The following KCNH5 variants were observed in gnomAD, a reference collection of about 807,000 sequenced individuals.
KCNH5 encodes voltage-gated delayed rectifier potassium channel KCNH5.
Under a neutral mutation model 96.1 loss-of-function variants are expected in KCNH5, and 46 were observed. The observed-to-expected ratio is 0.48, with a 90% CI of 0.38 to 0.61. KCNH5 has a LOEUF of 0.61. Ranked by LOEUF, KCNH5 falls within the 20% of genes least tolerant of loss-of-function variation. The pLI is 0.00. For synonymous variants in KCNH5, 439 were observed against 449.8 expected (o/e 0.98, Z 0.30); for missense variants, 907 against 1,225.8 (o/e 0.74, Z 3.88).
Position 62,706,138 on chromosome 14 carries a change from T to C in KCNH5, c.*1370A>G, listed in dbSNP as rs1326931447. On this transcript the variant is annotated 3_prime_UTR_variant, in exon 11 of 11. Transcript: ENST00000322893. ...TACAGGACAACTCTTTGTGACTTTT[T>C]TTAAAAACTTGATAATAGGCACTTT... The C allele has an allele frequency of 6.6e-6, 1 of 152,130 alleles. No homozygotes were observed. Among genetic ancestry groups the C allele is most frequent in the Non-Finnish European group, 1.5e-5 (1 of 67,956 alleles). The allele number at this position is 152,130 out of a possible 1,614,324, so 9.4% of individuals were successfully genotyped here. A position where few individuals can be genotyped will look rare whatever the true frequency, so the allele number is the denominator to read the frequency against.
rs921660266 is a variant in KCNH5 at position 62,707,217 on chromosome 14, T to C, written c.*291A>G. The C allele has an allele frequency of 8.3e-5, 14 of 169,300 alleles. No homozygotes were observed. Among genetic ancestry groups the C allele is most frequent in the Non-Finnish European group, 1.8e-4 (14 of 79,890 alleles). The allele number at this position is 169,300 out of a possible 1,614,324, so 10.5% of individuals were successfully genotyped here. ...AGGTTGGACCCTGATTCTTCAAATATTACATTGCCTTGGGTAACAAAAATC... is the reference window on the plus strand; with the variant it reads ...AGGTTGGACCCTGATTCTTCAAATACTACATTGCCTTGGGTAACAAAAATC... On this transcript the variant is annotated 3_prime_UTR_variant, in exon 11 of 11. Coordinates refer to ENST00000322893, the MANE Select transcript of KCNH5 (RefSeq NM_139318.5).
chr14:63,034,140 G>C (rs535088156), intron 1 of KCNH5, among the ~76,000 whole-genome samples: 2 of 151,926 alleles, frequency 1.3e-5, no homozygotes, highest in Admixed American at 6.6e-5. Context: ...GGCTGGTCTC[G>C]ATCTCCTGAC....
At chr14:62,963,955 CTT>C (rs1156248541) in intron 6 of KCNH5, among the ~76,000 whole-genome samples, 2 of 152,032 alleles carry the variant, frequency 1.3e-5, no homozygotes, top group Non-Finnish European at 2.9e-5. Flanking sequence ...TAAAATATCC[CTT>C]TTTTCAACAA....
chr14:62,846,854 G>T (rs1887705637), intron 8 of KCNH5, among the ~76,000 whole-genome samples: 2 of 127,676 alleles, frequency 1.6e-5, no homozygotes, highest in Admixed American at 8.9e-5. Flanking sequence ...AGGCTGGAGT[G>T]CAGTGGTGCC....
intron 10 of KCNH5, among the ~76,000 whole-genome samples, chr14:62,757,254 C>A (rs1885643295): frequency 6.6e-6 from 1 of 152,142 alleles, no homozygotes; most frequent in Non-Finnish European, 1.5e-5. Flanking sequence ...TCCTATCACC[C>A]CATTTAAAAT....
intron 8 of KCNH5, among the ~76,000 whole-genome samples, chr14:62,826,754 A>C (rs1259136040): frequency 6.6e-6 from 1 of 151,958 alleles, no homozygotes; most frequent in East Asian, 1.9e-4. Context: ...TCATGTGGTT[A>C]TCTCTTTTCT....
At chr14:62,728,640 G>A (rs534288370) in intron 10 of KCNH5, among the ~76,000 whole-genome samples, 3 of 152,140 alleles carry the variant, frequency 2.0e-5, no homozygotes, top group South Asian at 2.1e-4. Context: ...CATTCAAATC[G>A]TCATTCATAT....
At chr14:62,980,682 A>G (rs984254588) in intron 6 of KCNH5, among the ~76,000 whole-genome samples, 190 bp downstream of exon 6, 2 of 152,220 alleles carry the variant, frequency 1.3e-5, no homozygotes, top group African/African-American at 4.8e-5. Flanking sequence ...ACTTTCAACC[A>G]GATATCAAGG....
intron 7 of KCNH5, among the ~76,000 whole-genome samples, chr14:62,930,256 A>G (rs1259909476): frequency 6.6e-6 from 1 of 152,126 alleles, no homozygotes; most frequent in Non-Finnish European, 1.5e-5. Flanking sequence ...ACCACAGTGT[A>G]GAAGCTTTGT....
chr14:62,784,128 A>G (rs1333872959), intron 9 of KCNH5, among the ~76,000 whole-genome samples: 1 of 152,198 alleles, frequency 6.6e-6, no homozygotes, highest in Admixed American at 6.5e-5. Flanking sequence ...AGGCCTCACA[A>G]TCATGGCCGA....
At chr14:62,756,130 A>T (rs1474952435) in intron 10 of KCNH5, among the ~76,000 whole-genome samples, 1 of 152,152 alleles carries the variant, frequency 6.6e-6, no homozygotes, top group Non-Finnish European at 1.5e-5. Context: ...ATCAACATGT[A>T]AAAATCAGTA....
chr14:62,825,406 TA>T (rs1887201549), intron 8 of KCNH5, among the ~76,000 whole-genome samples: 1 of 152,008 alleles, frequency 6.6e-6, no homozygotes. Context: ...ATTTTTTTCA[TA>T]TTTTTTTTTG....
chr14:63,003,505 T>A (rs543392765), intron 3 of KCNH5, among the ~76,000 whole-genome samples: 3 of 122,316 alleles, frequency 2.5e-5, no homozygotes, highest in South Asian at 2.3e-4. Context: ...TATATATATT[T>A]TATATATATT....
chr14:62,783,267 T>C lies in KCNH5; in HGVS notation c.1823-3343A>G, dbSNP rs142174637. 7.0e-3 allele frequency among the ~76,000 whole-genome samples: 1,070 copies of C among 152,348 alleles called. 9 individuals carry two copies. Among genetic ancestry groups the C allele is most frequent in the Non-Finnish European group, 0.01 (694 of 68,026 alleles). On this transcript the variant is annotated intron_variant, in intron 9 of 10. Transcript: ENST00000322893. ...AAAATGGTAGGTCCTCTCTGCGTTA[T>C]GGAACAATGTATGGTTTTTATTTTG... is the stretch of plus-strand genomic sequence containing the variant.
At chr14:62,827,581 T>A (rs952731899) in intron 8 of KCNH5, among the ~76,000 whole-genome samples, 1 of 152,204 alleles carries the variant, frequency 6.6e-6, no homozygotes, top group African/African-American at 2.4e-5. Context: ...TTCTTGAGGA[T>A]CTAAAAAATG....
rs7493925 is a variant in KCNH5, at chr14:63,035,642, C to T, written c.73+9472G>A. 2.9e-3 allele frequency among the ~76,000 whole-genome samples: 442 copies of T among 152,202 alleles called. 9 individuals are homozygous for T. In the East Asian group the frequency reaches 0.057, roughly 19 times the overall value. On this transcript the variant is annotated intron_variant, in intron 1 of 10. Coordinates refer to ENST00000322893, the MANE Select transcript of KCNH5 (RefSeq NM_139318.5). ...CTAGGCAGTAGGTTTTTGTTTGGGGCGAGGATGGACAGAGGTGTGTTGTTT... is the reference window on the plus strand; with the variant it reads ...CTAGGCAGTAGGTTTTTGTTTGGGGTGAGGATGGACAGAGGTGTGTTGTTT...
At chr14:62,823,055 C>T (rs1203326594) in intron 8 of KCNH5, among the ~76,000 whole-genome samples, 1 of 152,006 alleles carries the variant, frequency 6.6e-6, no homozygotes, top group African/African-American at 2.4e-5. Flanking sequence ...ATTCAGCATG[C>T]TCTCCAGTAT....
intron 7 of KCNH5, among the ~76,000 whole-genome samples, chr14:62,865,089 T>A (rs907049325): frequency 1.3e-5 from 2 of 151,538 alleles, no homozygotes; most frequent in Admixed American, 1.3e-4. Flanking sequence ...AAAGCAAGAG[T>A]AGGAGTGCTA....
At chr14:62,895,836 G>A (rs1888800707) in intron 7 of KCNH5, among the ~76,000 whole-genome samples, 1 of 152,052 alleles carries the variant, frequency 6.6e-6, no homozygotes, top group African/African-American at 2.4e-5. Context: ...CATTACTTAG[G>A]AACACCTCTA....
Sources: gnomAD v4.1 joint callset for allele counts (sites outside exome capture counted in the v4.1 genomes callset) on GRCh38, gnomAD v4.1.1 for gene constraint, MANE v1.5 for transcripts, NCBI Gene and HGNC (gene_info 2026-07-23, HGNC 2026-07-21) for gene names.